The following CCDC174 variants were observed in gnomAD, a reference collection of about 807,000 sequenced individuals.
CCDC174 encodes the protein coiled-coil domain containing 174, also known as coiled-coil domain-containing protein 174.
CCDC174 carries 37 observed loss-of-function variants against 57.1 expected under a neutral mutation model. The ratio of observed to expected loss-of-function variants is 0.65; its 90% CI spans 0.50 to 0.85. The LOEUF (loss-of-function observed/expected upper bound fraction) is 0.85, where lower values mean the gene tolerates loss of function less well. Among genes scored for constraint, CCDC174 ranks in the 40% least tolerant of loss-of-function variants. CCDC174 has a pLI of 0.00. For synonymous variants in CCDC174, 182 were observed against 190.2 expected, an observed-to-expected ratio of 0.96 and a Z score of 0.35; for missense variants, 540 against 574.3, an observed-to-expected ratio of 0.94 and a Z score of 0.61.
At chr3:14,668,546 A>T (rs1212201201) in intron 9 of CCDC174, among the ~76,000 whole-genome samples, 2 of 152,204 alleles carry the variant, frequency 1.3e-5, no homozygotes, top group Non-Finnish European at 2.9e-5. Context: ...AAAGAAATTT[A>T]TATTCATAAA....
intron 1 of CCDC174, among the ~76,000 whole-genome samples, chr3:14,652,416 G>T (rs1008772140): frequency 6.6e-6 from 1 of 152,196 alleles, no homozygotes; most frequent in Non-Finnish European, 1.5e-5. Flanking sequence ...GATGTAAGCA[G>T]ATTTATTACA....
intron 5 of CCDC174, 77 bp from the exon 6 acceptor site, chr3:14,664,951 C>A: frequency 9.8e-7 from 1 of 1,018,622 alleles, no homozygotes; most frequent in Non-Finnish European, 1.6e-6. Context: ...TCCCCCTTCA[C>A]TGTTCACCTA....
intron 2 of CCDC174, 138 bp from the exon 3 acceptor site, chr3:14,655,391 T>C (rs2030919277): frequency 3.9e-6 from 2 of 516,602 alleles, no homozygotes; most frequent in East Asian, 6.3e-5. Context: ...AGTATCTTTG[T>C]AGGACACAGC....
intron 4 of CCDC174, among the ~76,000 whole-genome samples, chr3:14,659,304 A>C (rs2031054261): frequency 6.6e-6 from 1 of 152,144 alleles, no homozygotes; most frequent in African/African-American, 2.4e-5. Context: ...GCTGGGTGGA[A>C]TTGTGGTTCT....
At position 14,669,959 on chromosome 3, in the gene CCDC174, A is replaced by T; in HGVS notation, c.978A>T (p.Pro326=). 6.2e-7 allele frequency: 1 copy of T among 1,614,038 alleles called. No homozygotes were observed. ...NRDGDVIGPL[P]PEPEAVPTPR... is the part of the protein sequence containing the mutation. ...ATGGAGATGTTATTGGGCCTTTGCC[A>T]CCGGAGCCAGAGGCTGTGCCAACCC... is the stretch of plus-strand genomic sequence containing the variant. Residue 326 remains proline, a synonymous_variant, in exon 10 of 11, where the codon CCA becomes CCT. Coordinates refer to ENST00000383794, the MANE Select transcript of CCDC174 (RefSeq NM_016474.5).
In CCDC174 at chr3:14,658,893, A is replaced by T; in HGVS notation, c.271A>T (p.Lys91Ter). The T allele has an allele frequency of 6.5e-7, 1 of 1,532,850 alleles. No individual in the cohort carries two copies. The highest frequency in any genetic ancestry group is 8.9e-7 in the Non-Finnish European group (1 of 1,120,880). The allele number at this position is 1,532,850 out of a possible 1,614,324, so 95.0% of individuals were successfully genotyped here. A position where few individuals can be genotyped will look rare whatever the true frequency, so the allele number is the denominator to read the frequency against. The change falls in exon 4 of 11, where the codon AAA (lysine) becomes TAA (stop). Residue 91 changes from lysine to a stop codon, truncating the protein, a stop_gained. Transcript: ENST00000383794. LOFTEE classifies it high-confidence loss of function. ...TAGGGAAAAATTGGAAGAAAAAGCCAAATTATATGAAAAAATGACTAAAGG... is the reference window on the plus strand; with the variant it reads ...TAGGGAAAAATTGGAAGAAAAAGCCTAATTATATGAAAAAATGACTAAAGG... ...KAREKLEEKA[K>*]LYEKMTKGDF... is the part of the protein sequence containing the mutation.
rs1316897555 is a variant in CCDC174, at chr3:14,661,585, G to A, written c.363G>A (p.Lys121=). The change falls in exon 5 of 11, where the codon AAG becomes AAA. Residue 121 remains lysine (K), a synonymous_variant. Transcript: ENST00000383794. ...ATTTCACACAGAAGATCATAGACAA[G>A]CGCAAAGAAATGGAGGCATCTGGTG... ...LVDFTQKIID[K]RKEMEASGAH... is the part of the protein sequence containing the mutation. The A allele has an allele frequency of 6.2e-7, 1 of 1,614,078 alleles. No individual in the cohort carries two copies. The highest frequency in any genetic ancestry group is 8.5e-7 in the Non-Finnish European group (1 of 1,180,032).
Position 14,651,867 on chromosome 3 carries a change from A to G in CCDC174, c.31A>G (p.Thr11Ala). The G allele has an allele frequency of 6.2e-7, 1 of 1,614,132 alleles. No homozygotes were observed. The highest frequency in any genetic ancestry group is 8.5e-7 in the Non-Finnish European group (1 of 1,179,992). Reference sequence around the variant, plus strand: ...CCGTAGGAAAAAGCCTTTGGACGTCACGGCCTCCTCGGTGAGTGAGGGTAT... The same window carrying G: ...CCGTAGGAAAAAGCCTTTGGACGTCGCGGCCTCCTCGGTGAGTGAGGGTAT... MDRRKKPLDV[T>A]ASSLVDLKAE... The change falls in exon 1 of 11, where the codon ACG becomes GCG. Residue 11 changes from threonine (T) to alanine (A), a missense_variant. Thr to Ala is a moderately conservative substitution (Grantham distance 58). Transcript: ENST00000383794.
rs569232824 is a variant in CCDC174, at chr3:14,671,467, G to A, written c.*273G>A. The A allele has an allele frequency of 6.6e-5, 27 of 407,436 alleles. No individual in the cohort carries two copies. The highest frequency in any genetic ancestry group is 5.3e-4 in the African/African-American group (26 of 49,394). The allele number at this position is 407,436 out of a possible 1,614,324, so 25.2% of individuals were successfully genotyped here. On this transcript the variant is annotated 3_prime_UTR_variant, in exon 11 of 11. Transcript: ENST00000383794. ...TATTTATTCTGTAAAATTAGACACT[G>A]AGATGTGCTTATAACCCTGTTTCAT...
chr3:14,655,447 T>A, intron 2 of CCDC174, 82 bp from the exon 3 acceptor site: 1 of 814,842 alleles, frequency 1.2e-6, no homozygotes, highest in Non-Finnish European at 2.0e-6. Context: ...TGATCTCCTT[T>A]GTTTTTTTTT....
Position 14,654,363 on chromosome 3 carries a change from A to G in CCDC174, c.43-63A>G, listed in dbSNP as rs917755752. The G allele has an allele frequency of 3.6e-6, 3 of 829,200 alleles. No individual in the cohort carries two copies. In the African/African-American group the frequency reaches 5.2e-5, roughly 14 times the overall value. 51.4% of individuals were successfully genotyped at this position (829,200 alleles called of 1,614,324 possible). A position where few individuals can be genotyped will look rare whatever the true frequency, so the allele number is the denominator to read the frequency against. On this transcript the variant is annotated intron_variant, in intron 1 of 10. Coordinates refer to ENST00000383794, the MANE Select transcript of CCDC174 (RefSeq NM_016474.5). ...AAATATTCCTTTGGAAATTATAATA[A>G]TTTAGCAATCCAGTCACCTGCAGGA...
intron 5 of CCDC174, among the ~76,000 whole-genome samples, chr3:14,663,352 G>A (rs1339611460): frequency 6.6e-6 from 1 of 152,170 alleles, no homozygotes; most frequent in Non-Finnish European, 1.5e-5. Flanking sequence ...CTGAAGTCAG[G>A]TAGCACTTAA....
In CCDC174 at chr3:14,651,784, G is replaced by T. The variant is rs372882565; in HGVS notation, c.-53G>T. Reference sequence around the variant, plus strand: ...GTTGCGACGGAGGTAGGCTTACGAGGCCTGTGTCGGGTAGAAAGGGTCCTT... The same window carrying T: ...GTTGCGACGGAGGTAGGCTTACGAGTCCTGTGTCGGGTAGAAAGGGTCCTT... On this transcript the variant is annotated 5_prime_UTR_variant, in exon 1 of 11. Transcript: ENST00000383794. The T allele has an allele frequency of 4.4e-6, 7 of 1,591,836 alleles. No individual in the cohort carries two copies. Among genetic ancestry groups the T allele is most frequent in the East Asian group, 2.2e-5 (1 of 44,768 alleles).
intron 5 of CCDC174, among the ~76,000 whole-genome samples, chr3:14,664,212 C>G (rs2031244171): frequency 6.6e-6 from 1 of 152,198 alleles, no homozygotes; most frequent in Admixed American, 6.5e-5. Flanking sequence ...AAAAGCAAAG[C>G]CACATACCTG....
At position 14,651,821 on chromosome 3, in the gene CCDC174, AC is replaced by A; in HGVS notation, c.-13del. The stretch of plus-strand genomic sequence containing the variant: ...TAGAAAGGGTCCTTCCTGGACCGGG[AC>A]CCTCTGCCACGACCATGGACCGTAG... On this transcript the variant is annotated 5_prime_UTR_variant, in exon 1 of 11. Coordinates refer to ENST00000383794, the MANE Select transcript of CCDC174 (RefSeq NM_016474.5). 2.5e-6 allele frequency: 4 copies of A among 1,613,972 alleles called. No individual in the cohort carries two copies. The highest frequency in any genetic ancestry group is 3.4e-6 in the Non-Finnish European group (4 of 1,179,918).
At chr3:14,652,405 G>A (rs891618384) in intron 1 of CCDC174, among the ~76,000 whole-genome samples, 1 of 152,214 alleles carries the variant, frequency 6.6e-6, no homozygotes, top group Non-Finnish European at 1.5e-5. Context: ...AGGTCTGAAA[G>A]GATGTAAGCA....
At position 14,656,282 on chromosome 3, in the gene CCDC174, TA is replaced by T. The variant is rs899278104; in HGVS notation, c.248+662del. Among the ~76,000 whole-genome samples the T allele has an allele frequency of 3.9e-5, 6 of 151,996 alleles. No homozygotes were observed. The East Asian group carries it at 7.7e-4, about 20-fold the overall frequency. On this transcript the variant is annotated intron_variant, in intron 3 of 10. Coordinates refer to ENST00000383794, the MANE Select transcript of CCDC174 (RefSeq NM_016474.5). ...AGTACAATTATGTATTTTATAGATT[TA>T]AAAAAAAATCCAGGATTCAAAGATT...
intron 3 of CCDC174, among the ~76,000 whole-genome samples, chr3:14,657,126 C>A (rs982644267): frequency 6.6e-6 from 1 of 152,142 alleles, no homozygotes; most frequent in Non-Finnish European, 1.5e-5. Context: ...TATTATTTTG[C>A]TCTGTGTATC....
At chr3:14,659,055 G>T in intron 4 of CCDC174, 126 bp downstream of exon 4, 1 of 906,954 alleles carries the variant, frequency 1.1e-6, no homozygotes, top group South Asian at 1.8e-5. Context: ...TACTTTCCAT[G>T]GCTGCACAGA....
Sources: gnomAD v4.1 joint callset for allele counts (sites outside exome capture counted in the v4.1 genomes callset) on GRCh38, gnomAD v4.1.1 for gene constraint, MANE v1.5 for transcripts, NCBI Gene and HGNC (gene_info 2026-07-23, HGNC 2026-07-21) for gene names.